PROS1: variants seen among roughly 807,000 people sequenced by gnomAD.
PROS1 encodes vitamin K-dependent protein S.
A neutral mutation model predicts 75.9 loss-of-function variants in PROS1; 29 were observed. The observed-to-expected ratio is 0.38, with a 90% CI of 0.28 to 0.52. The LOEUF (loss-of-function observed/expected upper bound fraction) is 0.52. Ranked by LOEUF, PROS1 falls within the 20% of genes least tolerant of loss-of-function variation. The probability of loss-of-function intolerance (pLI) is 0.83; values close to 1 mark genes in which losing one functional copy is unlikely to be tolerated. For missense variants in PROS1, 680 were observed against 810.3 expected, an observed-to-expected ratio of 0.84 and a Z score of 1.95; for synonymous variants, 245 against 280.6, an observed-to-expected ratio of 0.87 and a Z score of 1.27.
At chr3:93,970,842 T>A (rs1270295274) in intron 1 of PROS1, among the ~76,000 whole-genome samples, 1 of 152,100 alleles carries the variant, frequency 6.6e-6, no homozygotes, top group Admixed American at 6.6e-5. Flanking sequence ...TTTCTTTAAA[T>A]CACAACTATA....
intron 12 of PROS1, among the ~76,000 whole-genome samples, chr3:93,883,969 A>G (rs1414946761): frequency 1.3e-5 from 2 of 152,152 alleles, no homozygotes; most frequent in African/African-American, 4.8e-5. Flanking sequence ...ACAAAACAAA[A>G]TAAAAGATCT....
At chr3:93,940,770 T>C (rs1412767008) in intron 1 of PROS1, among the ~76,000 whole-genome samples, 1 of 152,132 alleles carries the variant, frequency 6.6e-6, no homozygotes, top group Admixed American at 6.5e-5. Flanking sequence ...ACAACAGGCT[T>C]TAAGGGGATT....
chr3:93,944,683 A>C (rs1351185439), intron 1 of PROS1, among the ~76,000 whole-genome samples: 1 of 152,218 alleles, frequency 6.6e-6, no homozygotes, highest in Non-Finnish European at 1.5e-5. Flanking sequence ...TTATAGCACT[A>C]AATGCCCACA....
chr3:93,883,107 AC>A (rs1708295921), intron 12 of PROS1, among the ~76,000 whole-genome samples: 1 of 152,044 alleles, frequency 6.6e-6, no homozygotes, highest in African/African-American at 2.4e-5. Flanking sequence ...GGGATACAAC[AC>A]CTGCCTAAGA....
At chr3:93,942,886 C>T (rs180880069) in intron 1 of PROS1, among the ~76,000 whole-genome samples, 610 of 152,268 alleles carry the variant, frequency 4.0e-3, no homozygotes, top group Non-Finnish European at 6.5e-3. Context: ...AGGGATTTGC[C>T]CCTGCCCAGG....
Position 93,918,450 on chromosome 3 carries a change from G to T in PROS1, c.259+5790C>A, listed in dbSNP as rs533970275. ...AATCTTGCTGCTGCTCACTCTTTGG[G>T]TCCACACTGCCTTTATGAGCTGTAA... On this transcript the variant is annotated intron_variant, in intron 3 of 14. Coordinates refer to ENST00000394236, the MANE Select transcript of PROS1 (RefSeq NM_000313.4). Among the ~76,000 whole-genome samples, 3 of 151,986 alleles carry T rather than the reference G, an allele frequency of 2.0e-5. No homozygotes were observed. The East Asian group carries it at 5.8e-4, about 29-fold the overall frequency.
intron 1 of PROS1, among the ~76,000 whole-genome samples, chr3:93,938,270 C>A (rs1268643415): frequency 1.3e-5 from 2 of 152,164 alleles, no homozygotes. Context: ...AGAGAACAAC[C>A]CCTTTGACTG....
intron 10 of PROS1, among the ~76,000 whole-genome samples, chr3:93,888,772 G>A (rs1708386472): frequency 1.3e-5 from 2 of 152,082 alleles, no homozygotes; most frequent in Non-Finnish European, 2.9e-5. Context: ...CCCATATCCT[G>A]TTATACACTC....
At chr3:93,888,954 G>A (rs1193224404) in intron 10 of PROS1, among the ~76,000 whole-genome samples, 2 of 151,978 alleles carry the variant, frequency 1.3e-5, no homozygotes, top group African/African-American at 2.4e-5. Flanking sequence ...TCTAGACCAC[G>A]TTTCTAACCT....
chr3:93,930,237 C>A (rs1278722497), intron 1 of PROS1, among the ~76,000 whole-genome samples: 1 of 152,180 alleles, frequency 6.6e-6, no homozygotes, highest in East Asian at 1.9e-4. Context: ...TGTGATCATG[C>A]TATCTGCCAA....
At chr3:93,944,834 C>CA (rs1709353156) in intron 1 of PROS1, among the ~76,000 whole-genome samples, 1 of 151,600 alleles carries the variant, frequency 6.6e-6, no homozygotes, top group Non-Finnish European at 1.5e-5. Context: ...GATAGAGACA[C>CA]AAAAAACCCT....
intron 1 of PROS1, among the ~76,000 whole-genome samples, chr3:93,942,539 T>G (rs890109360): frequency 6.6e-6 from 1 of 152,166 alleles, no homozygotes; most frequent in African/African-American, 2.4e-5. Flanking sequence ...TGTTCCAACT[T>G]CTGTCCTTCA....
chr3:93,945,054 G>A lies in PROS1; in HGVS notation c.77-17647C>T, dbSNP rs543921444. Among the ~76,000 whole-genome samples, 23 of 152,174 alleles carry A rather than the reference G, an allele frequency of 1.5e-4. No homozygotes were observed. In the South Asian group the frequency reaches 4.6e-3, roughly 30 times the overall value. On this transcript the variant is annotated intron_variant, in intron 1 of 14. Coordinates refer to ENST00000394236, the MANE Select transcript of PROS1 (RefSeq NM_000313.4). ...CTATGAACACCTCTATGCAAATAAA[G>A]TAGAAAATCTAGAAGAAATGGATAA...
chr3:93,958,160 T>A (rs1280192178), intron 1 of PROS1, among the ~76,000 whole-genome samples: 1 of 152,090 alleles, frequency 6.6e-6, no homozygotes, highest in Non-Finnish European at 1.5e-5. Context: ...AAATTATTAT[T>A]TTTACTTATA....
At chr3:93,884,469 A>G (rs1285692827) in intron 12 of PROS1, among the ~76,000 whole-genome samples, 3 of 152,188 alleles carry the variant, frequency 2.0e-5, no homozygotes, top group Admixed American at 1.3e-4. Context: ...AAAATAGGTC[A>G]ATTGAATTTA....
intron 1 of PROS1, among the ~76,000 whole-genome samples, chr3:93,931,577 C>T (rs139276076): frequency 1.3e-5 from 2 of 152,286 alleles, no homozygotes; most frequent in Admixed American, 6.5e-5. Flanking sequence ...TCTAGAATTA[C>T]TTTGGTGCCT....
At chr3:93,918,015 G>A (rs1708885539) in intron 3 of PROS1, among the ~76,000 whole-genome samples, 1 of 152,212 alleles carries the variant, frequency 6.6e-6, no homozygotes, top group Admixed American at 6.5e-5. Context: ...CAGCCCCAGT[G>A]CAGGATCCAC....
chr3:93,928,007 A>ATATATG (rs1709052314), intron 1 of PROS1, among the ~76,000 whole-genome samples: 2 of 25,486 alleles, frequency 7.8e-5, no homozygotes, highest in East Asian at 1.6e-3. Flanking sequence ...ATATATATAT[A>ATATATG]TATATTTTTT....
chr3:93,962,192 C>G (rs1441290059), intron 1 of PROS1, among the ~76,000 whole-genome samples: 1 of 151,970 alleles, frequency 6.6e-6, no homozygotes, highest in Non-Finnish European at 1.5e-5. Context: ...CTCACCTGAA[C>G]AAAAACTGGG....
Sources: allele counts gnomAD v4.1 joint callset (sites outside exome capture counted in the v4.1 genomes callset), GRCh38; gene constraint gnomAD v4.1.1; transcripts MANE v1.5; gene names NCBI Gene and HGNC (gene_info 2026-07-23, HGNC 2026-07-21).